MNAT1: variants seen among roughly 807,000 people sequenced by gnomAD.
MNAT1 encodes the protein MNAT1 component of CDK activating kinase.
A neutral mutation model predicts 42.0 loss-of-function variants in MNAT1; 43 were observed. The ratio of observed to expected loss-of-function variants is 1.02; its 90% CI spans 0.80 to 1.32. The LOEUF (loss-of-function observed/expected upper bound fraction) is 1.32, where lower values mean the gene tolerates loss of function less well. Among genes scored for constraint, MNAT1 ranks in the 40% most tolerant of loss-of-function variants. The pLI is 0.00. For synonymous variants in MNAT1, 118 were observed against 120.0 expected, an observed-to-expected ratio of 0.98 and a Z score of 0.11; for missense variants, 306 against 350.4, an observed-to-expected ratio of 0.87 and a Z score of 1.01.
chr14:60,911,305 T>G (rs2035352757), intron 7 of MNAT1, among the ~76,000 whole-genome samples: 2 of 152,188 alleles, frequency 1.3e-5, no homozygotes, highest in African/African-American at 2.4e-5. Context: ...TTTTAAGGGT[T>G]TTTTGTGTCT....
chr14:60,834,597 A>G (rs1373909757), intron 6 of MNAT1, among the ~76,000 whole-genome samples: 1 of 152,202 alleles, frequency 6.6e-6, no homozygotes, highest in Non-Finnish European at 1.5e-5. Context: ...CAGTTTTAGA[A>G]TAAGTGCTAT....
chr14:60,858,906 T>A (rs2034028311), intron 6 of MNAT1, among the ~76,000 whole-genome samples: 1 of 152,218 alleles, frequency 6.6e-6, no homozygotes, highest in African/African-American at 2.4e-5. Flanking sequence ...AGTATAAACA[T>A]AGCTTTTACA....
intron 6 of MNAT1, among the ~76,000 whole-genome samples, chr14:60,875,325 A>T (rs1310813977): frequency 6.6e-6 from 1 of 152,122 alleles, no homozygotes; most frequent in Non-Finnish European, 1.5e-5. Context: ...TGAGAGATCT[A>T]ACTCTATGTG....
At chr14:60,749,195 T>G (rs1352074672) in intron 1 of MNAT1, among the ~76,000 whole-genome samples, 1 of 152,226 alleles carries the variant, frequency 6.6e-6, no homozygotes. Context: ...TTTCATAGCA[T>G]CTTTGGCTTT....
chr14:60,755,031 A>G (rs769617079), intron 1 of MNAT1, among the ~76,000 whole-genome samples: 26 of 151,920 alleles, frequency 1.7e-4, no homozygotes, highest in Non-Finnish European at 3.7e-4. Context: ...ACAAAATCTC[A>G]CTCTGTTGCC....
chr14:60,786,017 A>C (rs2031639127), intron 1 of MNAT1, among the ~76,000 whole-genome samples: 1 of 152,082 alleles, frequency 6.6e-6, no homozygotes, highest in South Asian at 2.1e-4. Context: ...ACTGTTGTGG[A>C]TATGAAGAGT....
intron 6 of MNAT1, among the ~76,000 whole-genome samples, chr14:60,834,013 G>A (rs1028998294): frequency 6.6e-5 from 10 of 152,302 alleles, no homozygotes; most frequent in African/African-American, 2.4e-4. Flanking sequence ...TGTGGGATCA[G>A]TGGTGACATT....
At chr14:60,833,868 A>T (rs1369778968) in intron 6 of MNAT1, among the ~76,000 whole-genome samples, 1 of 152,124 alleles carries the variant, frequency 6.6e-6, no homozygotes, top group Non-Finnish European at 1.5e-5. Context: ...TTGTTGGTCT[A>T]TTCAGGGAAT....
chr14:60,954,560 T>C (rs1287219422), intron 7 of MNAT1, among the ~76,000 whole-genome samples: 1 of 152,190 alleles, frequency 6.6e-6, no homozygotes, highest in African/African-American at 2.4e-5. Context: ...TGTTAGTGTA[T>C]GGAGGTGCTA....
In MNAT1 at chr14:60,758,615, T is replaced by C. The variant is rs534462468; in HGVS notation, c.89+23664T>C. On this transcript the variant is annotated intron_variant, in intron 1 of 7. Transcript: ENST00000261245. ...AACCCTCCAAAAAAAAACCCCCAAA[T>C]TCAGAAAACAAAACAAAAAATAGTC... 1.4e-4 allele frequency among the ~76,000 whole-genome samples: 21 copies of C among 152,108 alleles called. No homozygotes were observed. The East Asian group carries it at 3.7e-3, about 27-fold the overall frequency.
intron 1 of MNAT1, among the ~76,000 whole-genome samples, chr14:60,748,501 G>C (rs1452109482): frequency 6.6e-6 from 1 of 152,196 alleles, no homozygotes; most frequent in African/African-American, 2.4e-5. Flanking sequence ...AAAGTGCTGG[G>C]ATTGCAGGCG....
intron 1 of MNAT1, among the ~76,000 whole-genome samples, chr14:60,773,252 T>A (rs1430068608): frequency 6.6e-6 from 1 of 152,160 alleles, no homozygotes; most frequent in Non-Finnish European, 1.5e-5. Context: ...TTTATTTTAA[T>A]AAGTTGAAAT....
At chr14:60,842,412 A>G (rs769500926) in intron 6 of MNAT1, among the ~76,000 whole-genome samples, 8 of 152,238 alleles carry the variant, frequency 5.3e-5, no homozygotes, top group Non-Finnish European at 8.8e-5. Context: ...TCTATGTATT[A>G]TAGCCTGGAA....
chr14:60,859,007 C>A (rs566389304), intron 6 of MNAT1, among the ~76,000 whole-genome samples: 2 of 152,210 alleles, frequency 1.3e-5, no homozygotes, highest in Admixed American at 6.5e-5. Flanking sequence ...CCCATATCTG[C>A]CTTTCGTAAG....
chr14:60,924,691 G>C (rs1360901111), intron 7 of MNAT1, among the ~76,000 whole-genome samples: 1 of 152,136 alleles, frequency 6.6e-6, no homozygotes, highest in Non-Finnish European at 1.5e-5. Flanking sequence ...CTGAAAGACA[G>C]CTCCACAGAT....
At chr14:60,913,013 CTTTG>C (rs1310953204) in intron 7 of MNAT1, among the ~76,000 whole-genome samples, 7 of 152,112 alleles carry the variant, frequency 4.6e-5, no homozygotes, top group East Asian at 1.9e-4. Context: ...TTCTTGGAGG[CTTTG>C]TTTGTTTCTT....
chr14:60,790,635 AC>A (rs570921530), intron 1 of MNAT1, among the ~76,000 whole-genome samples: 23 of 152,308 alleles, frequency 1.5e-4, no homozygotes, highest in Admixed American at 1.5e-3. Context: ...CACTTTGGGA[AC>A]ATGTCATCAG....
intron 1 of MNAT1, among the ~76,000 whole-genome samples, chr14:60,795,395 A>G (rs1477640676): frequency 1.3e-5 from 2 of 152,114 alleles, no homozygotes; most frequent in African/African-American, 2.4e-5. Flanking sequence ...GATCCCACCA[A>G]GTCCCCAGGA....
At chr14:60,913,288 C>T (rs557476034) in intron 7 of MNAT1, among the ~76,000 whole-genome samples, 17 of 152,188 alleles carry the variant, frequency 1.1e-4, no homozygotes, top group South Asian at 4.2e-4. Context: ...TCCTTTAGCT[C>T]GGAGTAGTTT....
Sources: gnomAD v4.1 joint callset for allele counts (sites outside exome capture counted in the v4.1 genomes callset) on GRCh38, gnomAD v4.1.1 for gene constraint, MANE v1.5 for transcripts, NCBI Gene and HGNC (gene_info 2026-07-23, HGNC 2026-07-21) for gene names.